CLCA4: variants seen among roughly 807,000 people sequenced by gnomAD.
CLCA4 encodes calcium-activated chloride channel regulator 4.
CLCA4 carries 69 observed loss-of-function variants against 78.9 expected under a neutral mutation model. The ratio of observed to expected loss-of-function variants is 0.87; its 90% confidence interval spans 0.72 to 1.07. The LOEUF is 1.07. Ranked by LOEUF, CLCA4 falls within the 50% of genes least tolerant of loss-of-function variation. CLCA4 has a pLI of 0.00. For missense variants in CLCA4, 1,133 were observed against 1,095.8 expected, an observed-to-expected ratio of 1.03 and a Z score of -0.48; for synonymous variants, 362 against 375.8, an observed-to-expected ratio of 0.96 and a Z score of 0.42.
chr1:86,567,957 T>C (rs1455227629), intron 7 of CLCA4, among the ~76,000 whole-genome samples: 1 of 152,064 alleles, frequency 6.6e-6, no homozygotes, highest in Non-Finnish European at 1.5e-5. Context: ...TAAATAAGTG[T>C]GCTTGGATGC....
At position 86,578,222 on chromosome 1, in the gene CLCA4, C is replaced by G. The variant is rs1016035464; in HGVS notation, c.2122+150C>G. 7 of 721,974 alleles carry G rather than the reference C, an allele frequency of 9.7e-6. No homozygotes were observed. The Admixed American group carries it at 2.4e-4, about 24-fold the overall frequency. 44.7% of individuals were successfully genotyped at this position (721,974 alleles called of 1,614,324 possible). On this transcript the variant is annotated intron_variant, in intron 12 of 13. Coordinates refer to ENST00000370563, the MANE Select transcript of CLCA4 (RefSeq NM_012128.4). ...TTCTCAGTCATACTAGGATTTGCCT[C>G]TAAATTAATCTAAGCTTTGGTACAA...
intron 1 of CLCA4, chr1:86,552,649 G>T: frequency 1.3e-6 from 1 of 785,418 alleles, no homozygotes. Flanking sequence ...CCACCATGTG[G>T]TCCAGCTCGC....
chr1:86,571,479 T>C (rs1417423047), intron 8 of CLCA4: 3 of 404,516 alleles, frequency 7.4e-6, no homozygotes, highest in Non-Finnish European at 8.9e-6. Flanking sequence ...AGGAGGAATA[T>C]AGAAAAATAA....
At chr1:86,565,184 T>C in intron 4 of CLCA4, 90 bp from the exon 5 acceptor site, 1 of 828,866 alleles carries the variant, frequency 1.2e-6, no homozygotes, top group Non-Finnish European at 1.9e-6. Flanking sequence ...AACATCTTGA[T>C]ATAAAGTTCA....
chr1:86,553,292 C>T, intron 1 of CLCA4: 1 of 710,272 alleles, frequency 1.4e-6, no homozygotes, highest in South Asian at 1.7e-5. Flanking sequence ...GGGCTCCCTC[C>T]ACGTCTTCCT....
chr1:86,580,630 G>T lies in CLCA4; in HGVS notation c.*285G>T. 1 of 252,632 alleles carries T rather than the reference G, an allele frequency of 4.0e-6. No individual in the cohort carries two copies. Among genetic ancestry groups the T allele is most frequent in the Non-Finnish European group, 7.4e-6 (1 of 134,790 alleles). 15.6% of individuals were successfully genotyped at this position (252,632 alleles called of 1,614,324 possible). ...TCCTTTTTCATACTGATACCTGGTT[G>T]TATATTATTTGATGCAACAGTTTTC... On this transcript the variant is annotated 3_prime_UTR_variant, in exon 14 of 14. Transcript: ENST00000370563.
At chr1:86,559,323 T>G (rs1649944787) in intron 1 of CLCA4, among the ~76,000 whole-genome samples, 1 of 152,146 alleles carries the variant, frequency 6.6e-6, no homozygotes, top group South Asian at 2.1e-4. Context: ...CCACACAGTC[T>G]CCCAACCTAG....
chr1:86,565,968 A>T lies in CLCA4; in HGVS notation c.902A>T (p.Lys301Met). The change falls in exon 6 of 14, where the codon AAG (lysine) becomes ATG (methionine). Residue 301 changes from lysine to methionine, a missense_variant. Transcript: ENST00000370563. ...PPPPPVFSLL[K>M]ISQRIVCLVL... is the part of the protein sequence containing the mutation. ...CCTCCACCTGTCTTCTCATTGCTGA[A>T]GATCAGTCAAAGAATTGTGTGCTTA... The T allele has an allele frequency of 1.9e-6, 3 of 1,613,330 alleles. No homozygotes were observed. Among genetic ancestry groups the T allele is most frequent in the South Asian group, 1.1e-5 (1 of 91,036 alleles).
intron 12 of CLCA4, 29 bp from the exon 13 acceptor site, chr1:86,579,325 C>G: frequency 2.0e-6 from 3 of 1,532,170 alleles, no homozygotes; most frequent in Non-Finnish European, 2.7e-6. Flanking sequence ...TAGTTTTGCC[C>G]ATTATAAACC....
In CLCA4 at chr1:86,575,559, T is replaced by A. The variant is rs758410662; in HGVS notation, c.1911T>A (p.Asn637Lys). ...TGACTGCTTTCATTGAATCACAGAATGGACATACAGAAGTTTTGGAACTTT... is the reference window on the plus strand; with the variant it reads ...TGACTGCTTTCATTGAATCACAGAAAGGACATACAGAAGTTTTGGAACTTT... ...ANVTAFIESQNGHTEVLELLD... is the reference protein window; with the variant it reads ...ANVTAFIESQKGHTEVLELLD... Residue 637 changes from asparagine to lysine, a missense_variant, in exon 11 of 14, where the codon AAT becomes AAA. Coordinates refer to ENST00000370563, the MANE Select transcript of CLCA4 (RefSeq NM_012128.4). 6.2e-7 allele frequency: 1 copy of A among 1,613,252 alleles called. No individual in the cohort carries two copies. Among genetic ancestry groups the A allele is most frequent in the Admixed American group, 1.7e-5 (1 of 59,930 alleles).
At chr1:86,553,267 T>C in intron 1 of CLCA4, 2 of 849,222 alleles carry the variant, frequency 2.4e-6, no homozygotes, top group Non-Finnish European at 3.9e-6. Context: ...GAGGACACGG[T>C]CTTCAAGCCG....
At chr1:86,572,862 AC>A (rs1478735178) in intron 9 of CLCA4, 142 bp downstream of exon 9, 2 of 672,388 alleles carry the variant, frequency 3.0e-6, no homozygotes, top group Admixed American at 4.3e-5. Context: ...AATAGAAATT[AC>A]CCTTAGCTAT....
rs951623740 is a variant in CLCA4 at position 86,569,724 on chromosome 1, A to G, written c.1183-1353A>G. ...CTATAGAATATTCTGTAGTAAATAC[A>G]TATTAGTTTTGTCTTCCTTGTTCAT... On this transcript the variant is annotated intron_variant, in intron 7 of 13. Coordinates refer to ENST00000370563, the MANE Select transcript of CLCA4 (RefSeq NM_012128.4). Among the ~76,000 whole-genome samples, 3 of 151,990 alleles carry G rather than the reference A, an allele frequency of 2.0e-5. No individual in the cohort carries two copies. The East Asian group carries it at 5.8e-4, about 29-fold the overall frequency.
At chr1:86,571,325 C>A in intron 8 of CLCA4, 71 bp downstream of exon 8, 1 of 1,442,518 alleles carries the variant, frequency 6.9e-7, no homozygotes, top group Non-Finnish European at 9.4e-7. Context: ...AGTTCAACAA[C>A]GTCTCTTGAG....
chr1:86,555,354 A>G (rs961334448), intron 1 of CLCA4, among the ~76,000 whole-genome samples: 2 of 152,270 alleles, frequency 1.3e-5, no homozygotes, highest in Non-Finnish European at 2.9e-5. Context: ...TAAGTCTTTA[A>G]TCTTAATCTT....
In CLCA4 at chr1:86,567,557, A is replaced by G. The variant is rs534444387; in HGVS notation, c.1088A>G (p.Lys363Arg). The G allele has an allele frequency of 1.2e-6, 2 of 1,613,418 alleles. No individual in the cohort carries two copies. The highest frequency in any genetic ancestry group is 1.7e-6 in the Non-Finnish European group (2 of 1,179,470). The stretch of plus-strand genomic sequence containing the variant: ...ATTGTAAATAAGCTAATCCAAATAA[A>G]AAGCAGTGATGAAAGAAACACACTC... ...ATIVNKLIQIKSSDERNTLMA... is the reference protein window; with the variant it reads ...ATIVNKLIQIRSSDERNTLMA... The change falls in exon 7 of 14, where the codon AAA (lysine) becomes AGA (arginine). Residue 363 changes from lysine to arginine, a missense_variant. Lys to Arg is a conservative substitution (Grantham distance 26, BLOSUM62 2). Coordinates refer to ENST00000370563, the MANE Select transcript of CLCA4 (RefSeq NM_012128.4).
At chr1:86,572,910 G>A in intron 9 of CLCA4, 190 bp downstream of exon 9, 2 of 592,632 alleles carry the variant, frequency 3.4e-6, no homozygotes, top group Non-Finnish European at 3.0e-6. Context: ...TAAAATAAAT[G>A]GTGAAACAGC....
rs1217414683 is a variant in CLCA4 at position 86,565,943 on chromosome 1, C to T, written c.877C>T (p.Pro293Ser). Residue 293 changes from proline to serine, a missense_variant, in exon 6 of 14, where the codon CCT (proline) becomes TCT (serine). By Grantham distance (74) the Pro-to-Ser change is moderately conservative. Coordinates refer to ENST00000370563, the MANE Select transcript of CLCA4 (RefSeq NM_012128.4). The part of the protein sequence containing the change: ...KNTIPMVTPP[P>S]PPVFSLLKIS... ...CACCATACCCATGGTGACACCACCTCCTCCACCTGTCTTCTCATTGCTGAA... is the reference window on the plus strand; with the variant it reads ...CACCATACCCATGGTGACACCACCTTCTCCACCTGTCTTCTCATTGCTGAA... 1 of 1,613,348 alleles carries T rather than the reference C, an allele frequency of 6.2e-7. No individual in the cohort carries two copies. Among genetic ancestry groups the T allele is most frequent in the Non-Finnish European group, 8.5e-7 (1 of 1,179,426 alleles).
intron 3 of CLCA4, among the ~76,000 whole-genome samples, chr1:86,560,604 AT>A: frequency 6.6e-6 from 1 of 152,232 alleles, no homozygotes; most frequent in East Asian, 1.9e-4. Context: ...ATCCAGACAA[AT>A]ATACTCAGTA....
Sources: gnomAD v4.1 joint callset for allele counts (sites outside exome capture counted in the v4.1 genomes callset) on GRCh38, gnomAD v4.1.1 for gene constraint, MANE v1.5 for transcripts, NCBI Gene and HGNC (gene_info 2026-07-23, HGNC 2026-07-21) for gene names.